Variants in PHKB observed in about 807,000 individuals in gnomAD.
The protein encoded by PHKB is phosphorylase b kinase regulatory subunit beta.
A neutral mutation model predicts 152.1 loss-of-function variants in PHKB; 122 were observed. That is an observed-to-expected ratio of 0.80 (90% CI 0.69 to 0.93). The LOEUF is 0.93. Ranked by LOEUF, PHKB falls within the 40% of genes least tolerant of loss-of-function variation. The pLI, the probability that PHKB is intolerant of heterozygous loss-of-function variation, is 0.00. For missense variants in PHKB, 1,304 were observed against 1,328.4 expected, an observed-to-expected ratio of 0.98 and a Z score of 0.29; for synonymous variants, 436 against 464.9, an observed-to-expected ratio of 0.94 and a Z score of 0.80.
chr16:47,525,365 A>G (rs1390235364), intron 6 of PHKB, among the ~76,000 whole-genome samples: 1 of 152,158 alleles, frequency 6.6e-6, no homozygotes, highest in Non-Finnish European at 1.5e-5. Flanking sequence ...AAAGATAACT[A>G]CTTTCTATCA....
chr16:47,463,030 C>T (rs927661698), intron 1 of PHKB: 7 of 152,542 alleles, frequency 4.6e-5, no homozygotes, highest in African/African-American at 1.7e-4. Context: ...ATGTGGCTAT[C>T]TGGATATAAA....
At chr16:47,504,111 A>G (rs1287261021) in intron 4 of PHKB, among the ~76,000 whole-genome samples, 1 of 152,208 alleles carries the variant, frequency 6.6e-6, no homozygotes, top group Non-Finnish European at 1.5e-5. Context: ...GGTTTATTAC[A>G]TGAGAGGAGA....
intron 1 of PHKB, among the ~76,000 whole-genome samples, chr16:47,486,889 TTTA>T (rs1294021419): frequency 6.6e-6 from 1 of 152,220 alleles, no homozygotes; most frequent in African/African-American, 2.4e-5. Flanking sequence ...CTTTCAGAGA[TTTA>T]TTCCTGATTC....
intron 20 of PHKB, among the ~76,000 whole-genome samples, chr16:47,658,550 T>TATA (rs1973379832): frequency 6.6e-6 from 1 of 152,066 alleles, no homozygotes; most frequent in Admixed American, 6.6e-5. Context: ...ACAATGGAGG[T>TATA]CTCATAAGAT....
chr16:47,546,390 C>G (rs1214882336), intron 6 of PHKB, among the ~76,000 whole-genome samples: 2 of 152,186 alleles, frequency 1.3e-5, no homozygotes, highest in African/African-American at 4.8e-5. Context: ...ACTCCAGACC[C>G]TGTTTCCCTG....
At chr16:47,573,017 G>C (rs991106841) in intron 7 of PHKB, among the ~76,000 whole-genome samples, 1 of 152,070 alleles carries the variant, frequency 6.6e-6, no homozygotes, top group East Asian at 1.9e-4. Context: ...TACTGGATGC[G>C]TACCCATTGC....
intron 20 of PHKB, among the ~76,000 whole-genome samples, chr16:47,656,157 A>G (rs1381852023): frequency 6.6e-6 from 1 of 151,946 alleles, no homozygotes; most frequent in Non-Finnish European, 1.5e-5. Flanking sequence ...AGCTGGGACT[A>G]CAGGCATGTG....
chr16:47,619,034 T>G (rs1189736425), intron 14 of PHKB: 1 of 152,206 alleles, frequency 6.6e-6, no homozygotes, highest in African/African-American at 2.4e-5. Flanking sequence ...TTGATTGTGT[T>G]TCTTTTGTTT....
chr16:47,692,745 A>G (rs1336496416), intron 27 of PHKB, among the ~76,000 whole-genome samples: 1 of 152,220 alleles, frequency 6.6e-6, no homozygotes, highest in Non-Finnish European at 1.5e-5. Context: ...TGCTTAATGC[A>G]TGAAAATAAA....
At chr16:47,480,684 T>C (rs1005623485) in intron 1 of PHKB, among the ~76,000 whole-genome samples, 2 of 152,186 alleles carry the variant, frequency 1.3e-5, no homozygotes, top group Non-Finnish European at 2.9e-5. Flanking sequence ...TTGTCATAAC[T>C]CCAGTTTTCA....
intron 14 of PHKB, among the ~76,000 whole-genome samples, chr16:47,633,143 C>T (rs1972855690): frequency 6.6e-6 from 1 of 152,040 alleles, no homozygotes; most frequent in Non-Finnish European, 1.5e-5. Context: ...GGTTTTGGTC[C>T]TAAACCATAT....
rs113469486 is a variant in PHKB at position 47,668,586 on chromosome 16, T to C, written c.2428-629T>C. ...CAGCAGCATTCTGCCCAGAGTTTTT[T>C]TGGCCATTTCACTCTATGCTGTCTC... On this transcript the variant is annotated intron_variant, in intron 25 of 30. Coordinates refer to ENST00000323584, the MANE Select transcript of PHKB (RefSeq NM_000293.3). Among the ~76,000 whole-genome samples the C allele has an allele frequency of 2.2e-3, 341 of 152,294 alleles. 4 individuals carry two copies. Among genetic ancestry groups the C allele is most frequent in the African/African-American group, 7.5e-3 (311 of 41,572 alleles).
At chr16:47,468,104 A>G (rs1196224564) in intron 1 of PHKB, among the ~76,000 whole-genome samples, 2 of 152,146 alleles carry the variant, frequency 1.3e-5, no homozygotes, top group Non-Finnish European at 2.9e-5. Context: ...CTTTTTATTC[A>G]GTTAATCTGT....
intron 7 of PHKB, 92 bp downstream of exon 7, chr16:47,547,640 T>C: frequency 1.3e-6 from 1 of 774,278 alleles, no homozygotes; most frequent in East Asian, 2.6e-5. Flanking sequence ...GGAACTGTGA[T>C]TCATATGTTA....
intron 1 of PHKB, chr16:47,463,726 A>G (rs1969617058): frequency 1.7e-6 from 1 of 581,462 alleles, no homozygotes; most frequent in African/African-American, 1.9e-5. Flanking sequence ...GTAATTTATC[A>G]AAGCAAAGAA....
chr16:47,542,715 G>C (rs1035230868), intron 6 of PHKB, among the ~76,000 whole-genome samples: 21 of 152,060 alleles, frequency 1.4e-4, no homozygotes, highest in Non-Finnish European at 2.5e-4. Context: ...AGGTCCTTCA[G>C]ATCCCTTGTA....
At chr16:47,554,910 C>T (rs1971342017) in intron 7 of PHKB, among the ~76,000 whole-genome samples, 1 of 152,132 alleles carries the variant, frequency 6.6e-6, no homozygotes, top group South Asian at 2.1e-4. Flanking sequence ...AGAAATCACC[C>T]GCCTTCTGCA....
At chr16:47,606,446 G>A (rs949565506) in intron 13 of PHKB, among the ~76,000 whole-genome samples, 7 of 152,204 alleles carry the variant, frequency 4.6e-5, no homozygotes, top group Non-Finnish European at 8.8e-5. Flanking sequence ...TTGTTTTTAA[G>A]TGATCAGTGT....
At chr16:47,507,274 C>G (rs886916191) in intron 4 of PHKB, among the ~76,000 whole-genome samples, 2 of 151,662 alleles carry the variant, frequency 1.3e-5, no homozygotes, top group Non-Finnish European at 2.9e-5. Flanking sequence ...CATGCCTGGC[C>G]AACTTAAGCT....
Sources: allele counts gnomAD v4.1 joint callset (sites outside exome capture counted in the v4.1 genomes callset), GRCh38; gene constraint gnomAD v4.1.1; transcripts MANE v1.5; gene names NCBI Gene and HGNC (gene_info 2026-07-23, HGNC 2026-07-21).